ZNF518A: variants seen among roughly 807,000 people sequenced by gnomAD.
ZNF518A encodes the protein zinc finger protein 518.
In ZNF518A, 47 loss-of-function variants were observed where a neutral mutation model predicts 102.7. That is an observed-to-expected ratio of 0.46 (90% CI 0.36 to 0.58). The LOEUF (loss-of-function observed/expected upper bound fraction) is 0.58, where lower values mean the gene tolerates loss of function less well. ZNF518A is among the 20% of genes least tolerant of loss of function. The pLI, the probability that ZNF518A is intolerant of heterozygous loss-of-function variation, is 0.00. For missense variants in ZNF518A, 1,793 were observed against 1,699.8 expected (o/e 1.05, Z -0.96); for synonymous variants, 652 against 594.6 (o/e 1.10, Z -1.40).
Position 96,160,919 on chromosome 10 carries a change from G to T in ZNF518A, c.*145G>T. 4.5e-6 allele frequency: 4 copies of T among 879,270 alleles called. No homozygotes were observed. The highest frequency in any genetic ancestry group is 6.4e-6 in the Non-Finnish European group (4 of 625,614). The allele number at this position is 879,270 out of a possible 1,614,324, so 54.5% of individuals were successfully genotyped here. ...AAGTTGATTGTATTTCTGTGGAAGA[G>T]TAAAAGTTGTATGTATGATATTTGA... On this transcript the variant is annotated 3_prime_UTR_variant, in exon 6 of 6. Transcript: ENST00000316045.
At chr10:96,182,350 G>C (rs180948964) in intron 1 of ZNF518A, among the ~76,000 whole-genome samples, 76 of 152,280 alleles carry the variant, frequency 5.0e-4, no homozygotes, top group Middle Eastern at 3.4e-3. Context: ...GCCCTGGCCA[G>C]AACTTCCAAC....
chr10:96,198,460 G>C (rs1554895228), intron 1 of ZNF518A, among the ~76,000 whole-genome samples: 2 of 152,138 alleles, frequency 1.3e-5, no homozygotes, highest in Non-Finnish European at 2.9e-5. Flanking sequence ...TCAACTCAGA[G>C]ATATATTCTG....
chr10:96,150,598 C>T (rs1380427487), intron 3 of ZNF518A, among the ~76,000 whole-genome samples: 4 of 150,030 alleles, frequency 2.7e-5, no homozygotes, highest in Non-Finnish European at 5.9e-5. Context: ...ATCATTATTC[C>T]TCCCGCATCT....
rs587664670 is a variant in ZNF518A, at chr10:96,136,835, A to G, written c.-302+3187A>G. 1.8e-4 allele frequency among the ~76,000 whole-genome samples: 27 copies of G among 152,300 alleles called. 1 individual carries two copies. The East Asian group carries it at 1.9e-3, about 11-fold the overall frequency. On this transcript the variant is annotated intron_variant, in intron 3 of 5. Coordinates refer to ENST00000316045, the MANE Select transcript of ZNF518A (RefSeq NM_001330736.2). ...CTACCTTCTTTCCTCAGAGCCTCGC[A>G]TCTGACCCTCAGAGAGTAGCAGTTG...
At chr10:96,168,143 A>G (rs1487480699), downstream of ZNF518A, among the ~76,000 whole-genome samples, 1 of 152,210 alleles carries the variant, frequency 6.6e-6, no homozygotes, top group Non-Finnish European at 1.5e-5. Context: ...TGCTGCTCCA[A>G]AATCTGCAAT....
In ZNF518A at chr10:96,162,981, C is replaced by T. The variant is rs1195516342; in HGVS notation, c.*2207C>T. 2 of 166,944 alleles carry T rather than the reference C, an allele frequency of 1.2e-5. No homozygotes were observed. Among genetic ancestry groups the T allele is most frequent in the Admixed American group, 6.5e-5 (1 of 15,268 alleles). The allele number at this position is 166,944 out of a possible 1,614,324, so 10.3% of individuals were successfully genotyped here. On this transcript the variant is annotated 3_prime_UTR_variant, in exon 6 of 6. Coordinates refer to ENST00000316045, the MANE Select transcript of ZNF518A (RefSeq NM_001330736.2). The stretch of plus-strand genomic sequence containing the variant: ...AGGCTTATAGTCTTCAGTACCCTAA[C>T]AGCAATAAAATTAAAATGCTCTGTT...
In ZNF518A at chr10:96,130,590, G is replaced by C. The variant is rs1343702683; in HGVS notation, c.-615G>C. On this transcript the variant is annotated 5_prime_UTR_variant, in exon 1 of 6. Transcript: ENST00000316045. Reference sequence around the variant, plus strand: ...CTCGGCGGGTTTCGTGGTTGGTGGAGACAGCAAGGGCGCCCCGCAGACCGC... The same window carrying C: ...CTCGGCGGGTTTCGTGGTTGGTGGACACAGCAAGGGCGCCCCGCAGACCGC... 3.9e-5 allele frequency: 6 copies of C among 152,348 alleles called. No homozygotes were observed. Among genetic ancestry groups the C allele is most frequent in the African/African-American group, 1.4e-4 (6 of 41,460 alleles). 9.4% of individuals were successfully genotyped at this position (152,348 alleles called of 1,614,324 possible). A position where few individuals can be genotyped will look rare whatever the true frequency, so the allele number is the denominator to read the frequency against.
chr10:96,149,487 A>G (rs1173098463), intron 3 of ZNF518A, among the ~76,000 whole-genome samples: 1 of 152,242 alleles, frequency 6.6e-6, no homozygotes, highest in Non-Finnish European at 1.5e-5. Context: ...AACCAATAGC[A>G]TGATAGAGTG....
intron 1 of ZNF518A, among the ~76,000 whole-genome samples, chr10:96,169,050 G>A (rs1295586370): frequency 5.9e-5 from 9 of 152,026 alleles, no homozygotes; most frequent in African/African-American, 1.9e-4. Flanking sequence ...TTTTAGAGAG[G>A]CTGGTTCTTG....
At position 96,160,810 on chromosome 10, in the gene ZNF518A, T is replaced by C; in HGVS notation, c.*36T>C. ...TTACCAAGGAAAAGAAAAGTAAAAT[T>C]ACCTTAGAAGAAAACAACGGGTTCA... On this transcript the variant is annotated 3_prime_UTR_variant, in exon 6 of 6. Transcript: ENST00000316045. 1 of 1,485,042 alleles carries C rather than the reference T, an allele frequency of 6.7e-7. No individual in the cohort carries two copies. Among genetic ancestry groups the C allele is most frequent in the Non-Finnish European group, 8.9e-7 (1 of 1,120,898 alleles). The allele number at this position is 1,485,042 out of a possible 1,614,324, so 92.0% of individuals were successfully genotyped here.
In ZNF518A at chr10:96,157,644, A is replaced by G. The variant is rs1554883700; in HGVS notation, c.1322A>G (p.Asn441Ser). The change falls in exon 6 of 6, where the codon AAT (asparagine) becomes AGT (serine). Residue 441 changes from asparagine (N) to serine (S), a missense_variant. By Grantham distance (46) the Asn-to-Ser change is conservative. Transcript: ENST00000316045. ...NNKLAVSPNY[N>S]ATFMGFKMMD... The stretch of plus-strand genomic sequence containing the variant: ...AAACTAGCAGTTTCCCCTAACTATA[A>G]TGCTACGTTTATGGGCTTCAAGATG... 3 of 1,613,878 alleles carry G rather than the reference A, an allele frequency of 1.9e-6. No homozygotes were observed. The highest frequency in any genetic ancestry group is 3.3e-5 in the Admixed American group (2 of 60,010).
downstream of ZNF518A, among the ~76,000 whole-genome samples, chr10:96,167,857 C>T (rs962801238): frequency 3.3e-5 from 5 of 152,000 alleles, no homozygotes; most frequent in Admixed American, 2.6e-4. Flanking sequence ...AGCTGTGACA[C>T]CAAAAACAAA....
chr10:96,160,911 G>A lies in ZNF518A; in HGVS notation c.*137G>A, dbSNP rs1307757914. The A allele has an allele frequency of 2.1e-6, 2 of 965,942 alleles. No individual in the cohort carries two copies. The highest frequency in any genetic ancestry group is 2.9e-6 in the Non-Finnish European group (2 of 701,246). The allele number at this position is 965,942 out of a possible 1,614,324, so 59.8% of individuals were successfully genotyped here. On this transcript the variant is annotated 3_prime_UTR_variant, in exon 6 of 6. Transcript: ENST00000316045. ...CATTTTAAAAGTTGATTGTATTTCTGTGGAAGAGTAAAAGTTGTATGTATG... is the reference window on the plus strand; with the variant it reads ...CATTTTAAAAGTTGATTGTATTTCTATGGAAGAGTAAAAGTTGTATGTATG...
chr10:96,187,625 T>A (rs1368615045), intron 1 of ZNF518A, among the ~76,000 whole-genome samples: 1 of 152,236 alleles, frequency 6.6e-6, no homozygotes, highest in Non-Finnish European at 1.5e-5. Context: ...ATTGTCCTTT[T>A]GAACAAACTT....
At chr10:96,173,346 A>G (rs781921974) in intron 1 of ZNF518A, among the ~76,000 whole-genome samples, 4 of 152,122 alleles carry the variant, frequency 2.6e-5, no homozygotes, top group Non-Finnish European at 5.9e-5. Flanking sequence ...TTTTTGTCCC[A>G]TGAATCTGAA....
chr10:96,191,925 CTT>C, intron 1 of ZNF518A: 1 of 1,611,412 alleles, frequency 6.2e-7, no homozygotes, highest in East Asian at 2.2e-5. Flanking sequence ...AAAGGAGAAA[CTT>C]TGGGAAAGTG....
chr10:96,130,230 C>T (rs1267071374), upstream of ZNF518A: 10 of 152,606 alleles, frequency 6.6e-5, no homozygotes, highest in Non-Finnish European at 1.3e-4. Context: ...CCAAACAGGT[C>T]CAGGGATCCG....
rs587742211 is a variant in ZNF518A at position 96,168,960 on chromosome 10, C to A, written n.35+12913C>A. On this transcript the variant is annotated intron_variant and non_coding_transcript_variant, in intron 1 of 2. Coordinates refer to the ZNF518A transcript ENST00000442635. ...GGTTTTCAGTTATTCAAATATTCTC[C>A]CTGATGAATTCTCTTTTTTTCTCTC... Among the ~76,000 whole-genome samples the A allele has an allele frequency of 8.2e-4, 124 of 151,968 alleles. 1 individual carries two copies. Among genetic ancestry groups the A allele is most frequent in the African/African-American group, 2.8e-3 (114 of 41,454 alleles).
intron 3 of ZNF518A, among the ~76,000 whole-genome samples, chr10:96,137,842 A>G (rs2081686295): frequency 6.6e-6 from 1 of 152,210 alleles, no homozygotes; most frequent in African/African-American, 2.4e-5. Flanking sequence ...TCTGTATTCT[A>G]TATCCAGCCA....
Sources: allele counts gnomAD v4.1 joint callset (sites outside exome capture counted in the v4.1 genomes callset), GRCh38; gene constraint gnomAD v4.1.1; transcripts MANE v1.5; gene names NCBI Gene and HGNC (gene_info 2026-07-23, HGNC 2026-07-21).